CIITA: variants seen among roughly 807,000 people sequenced by gnomAD.
The protein encoded by CIITA is MHC class II transactivator.
CIITA carries 72 observed loss-of-function variants against 115.1 expected under a neutral mutation model. That is an observed-to-expected ratio of 0.63 (90% CI 0.52 to 0.76). The LOEUF is 0.76. Among genes scored for constraint, CIITA ranks in the 30% least tolerant of loss-of-function variants. The pLI is 0.00. For synonymous variants in CIITA, 763 were observed against 635.6 expected, an observed-to-expected ratio of 1.20 and a Z score of -3.02; for missense variants, 1,617 against 1,463.8, an observed-to-expected ratio of 1.10 and a Z score of -1.71.
Position 10,901,584 on chromosome 16 carries a change from T to G in CIITA, c.481+26T>G. The G allele has an allele frequency of 1.9e-6, 3 of 1,612,178 alleles. No individual in the cohort carries two copies. Among genetic ancestry groups the G allele is most frequent in the Non-Finnish European group, 2.5e-6 (3 of 1,178,976 alleles). On this transcript the variant is annotated intron_variant, in intron 6 of 19. Coordinates refer to ENST00000324288, the MANE Select transcript of CIITA (RefSeq NM_000246.4). The surrounding 1 kb of genome is among the most constrained non-coding windows in gnomAD (Gnocchi z 6.8). ...GTGTGCAGGGCAGGTGGGCTGGGGT[T>G]GGGAAGGGTGGATGCCTTGGGGAGG...
Position 10,923,698 on chromosome 16 carries a change from T to G in CIITA, c.*23-180T>G, listed in dbSNP as rs2040399743. Among the ~76,000 whole-genome samples the G allele has an allele frequency of 6.6e-6, 1 of 152,136 alleles. No homozygotes were observed. The highest frequency in any genetic ancestry group is 1.5e-5 in the Non-Finnish European group (1 of 68,018). Reference sequence around the variant, plus strand: ...AGATGAACTTGCTTGACAAGTCTCCTGCTCCTCACTATGAAGATCACTGTC... The same window carrying G: ...AGATGAACTTGCTTGACAAGTCTCCGGCTCCTCACTATGAAGATCACTGTC... On this transcript the variant is annotated intron_variant, in intron 19 of 19. Coordinates refer to ENST00000324288, the MANE Select transcript of CIITA (RefSeq NM_000246.4). The surrounding 1 kb of genome is among the most constrained non-coding windows in gnomAD (Gnocchi z 5.2).
Position 10,932,114 on chromosome 16 carries a change from C to T in CIITA, c.*8259C>T, listed in dbSNP as rs1346429098. 1 of 152,166 alleles carries T rather than the reference C, an allele frequency of 6.6e-6. No homozygotes were observed. The highest frequency in any genetic ancestry group is 2.4e-5 in the African/African-American group (1 of 41,412). 9.4% of individuals were successfully genotyped at this position (152,166 alleles called of 1,614,324 possible). On this transcript the variant is annotated 3_prime_UTR_variant, in exon 20 of 20. Transcript: ENST00000324288. Reference sequence around the variant, plus strand: ...CTCTGCCTGAAGTCACACAGTGAGTCGAGGACAGGGAGGTGACCCCAGGTT... The same window carrying T: ...CTCTGCCTGAAGTCACACAGTGAGTTGAGGACAGGGAGGTGACCCCAGGTT...
intron 13 of CIITA, among the ~76,000 whole-genome samples, chr16:10,911,606 G>C (rs889445640): frequency 1.3e-5 from 2 of 150,470 alleles, no homozygotes; most frequent in Non-Finnish European, 3.0e-5. Flanking sequence ...TCAGGCTGGA[G>C]TTCAGTGGCA....
chr16:10,873,184 G>A (rs74751064), upstream of CIITA, among the ~76,000 whole-genome samples: 517 of 152,162 alleles, frequency 3.4e-3, 6 homozygotes, highest in African/African-American at 0.012. Context: ...TGTTTCCCAC[G>A]GCTGGTCTCA....
At chr16:10,892,907 G>C (rs2037740762) in intron 1 of CIITA, among the ~76,000 whole-genome samples, 1 of 152,170 alleles carries the variant, frequency 6.6e-6, no homozygotes, top group Admixed American at 6.5e-5. Flanking sequence ...ATTCCAGCCT[G>C]GGCAACAGAG....
upstream of CIITA, chr16:10,877,179 G>A (rs761596052): frequency 5.6e-6 from 4 of 714,438 alleles, no homozygotes; most frequent in South Asian, 3.0e-5. Flanking sequence ...TTAGCTTGGC[G>A]GGCTCCCAAC....
rs1214684650 is a variant in CIITA, at chr16:10,902,712, A to G, written c.683A>G (p.Gln228Arg). ...CTGAATCTCCCTGAGGGACCCATCC[A>G]GTTTGTCCCCACCATCTCCACTCTG... is the stretch of plus-strand genomic sequence containing the variant. ...SCLNLPEGPI[Q>R]FVPTISTLPH... is the part of the protein sequence containing the mutation. The change falls in exon 8 of 20, where the codon CAG becomes CGG. Residue 228 changes from glutamine to arginine, a missense_variant. Gln to Arg is a conservative substitution (Grantham distance 43). Coordinates refer to ENST00000324288, the MANE Select transcript of CIITA (RefSeq NM_000246.4). 1.2e-6 allele frequency: 2 copies of G among 1,614,144 alleles called. No homozygotes were observed. The highest frequency in any genetic ancestry group is 1.7e-6 in the Non-Finnish European group (2 of 1,180,012).
chr16:10,879,788 T>A lies in CIITA; in HGVS notation c.52+2406T>A, dbSNP rs2036234805. ...GCCGGGGTGGGAGTGGGAGATTGGA[T>A]CTCCCTGGGGTCCAGGAAAGCCGGA... is the stretch of plus-strand genomic sequence containing the variant. On this transcript the variant is annotated intron_variant, in intron 1 of 19. Transcript: ENST00000324288. The surrounding 1 kb of genome is among the most constrained non-coding windows in gnomAD (Gnocchi z 4.3). 6.6e-6 allele frequency among the ~76,000 whole-genome samples: 1 copy of A among 152,020 alleles called. No individual in the cohort carries two copies. Among genetic ancestry groups the A allele is most frequent in the Admixed American group, 6.6e-5 (1 of 15,266 alleles).
At chr16:10,867,461 A>C in intron 1 of CIITA, among the ~76,000 whole-genome samples, 1 of 151,882 alleles carries the variant, frequency 6.6e-6, no homozygotes, top group East Asian at 1.9e-4. Context: ...AGAAAGAGAC[A>C]GAGAGACAGG....
intron 15 of CIITA, among the ~76,000 whole-genome samples, chr16:10,917,609 A>T (rs2040027260): frequency 2.0e-5 from 3 of 151,404 alleles, no homozygotes; most frequent in African/African-American, 4.9e-5. Flanking sequence ...CCTCCCAAGT[A>T]GCTGGAATTA....
chr16:10,918,752 A>G (rs1044044694), intron 16 of CIITA, among the ~76,000 whole-genome samples: 2 of 152,234 alleles, frequency 1.3e-5, no homozygotes, highest in African/African-American at 4.8e-5. Context: ...CTAATGGTCT[A>G]TGTAAGCACT....
upstream of CIITA, among the ~76,000 whole-genome samples, chr16:10,873,913 C>T (rs1478451421): frequency 2.6e-5 from 4 of 152,084 alleles, no homozygotes; most frequent in Admixed American, 2.0e-4. Context: ...GACCTGGGCT[C>T]GGGGAATCCT....
intron 13 of CIITA, among the ~76,000 whole-genome samples, chr16:10,914,224 T>C (rs1054275276): frequency 1.3e-5 from 2 of 151,992 alleles, no homozygotes; most frequent in African/African-American, 4.8e-5. Context: ...AGAACCCCCA[T>C]AAGATTGGGG....
chr16:10,866,568 T>C (rs755069806), intron 1 of CIITA: 9 of 537,598 alleles, frequency 1.7e-5, no homozygotes, highest in Non-Finnish European at 3.3e-5. Context: ...ACAGTGACCA[T>C]GGTGGTAAGT....
rs2145262396 is a variant in CIITA, at chr16:10,928,192, A to G, written c.*4337A>G. 1 of 152,284 alleles carries G rather than the reference A, an allele frequency of 6.6e-6. No individual in the cohort carries two copies. The highest frequency in any genetic ancestry group is 1.9e-4 in the East Asian group (1 of 5,186). The allele number at this position is 152,284 out of a possible 1,614,324, so 9.4% of individuals were successfully genotyped here. ...CCTGTAGAAAGGGGTCAATCGTTTG[A>G]ACCCTGCTTCACTTGGTGTGTATGT... On this transcript the variant is annotated 3_prime_UTR_variant, in exon 20 of 20. Coordinates refer to ENST00000324288, the MANE Select transcript of CIITA (RefSeq NM_000246.4).
At chr16:10,915,541 A>T in intron 13 of CIITA, 29 bp from the exon 14 acceptor site, 1 of 1,573,644 alleles carries the variant, frequency 6.4e-7, no homozygotes, top group East Asian at 2.2e-5. Context: ...CTGTGACTGG[A>T]GGTCTTACCC....
chr16:10,909,005 G>C, intron 11 of CIITA, 24 bp from the exon 12 acceptor site: 1 of 1,613,996 alleles, frequency 6.2e-7, no homozygotes, highest in South Asian at 1.1e-5. Context: ...CACCGTGCCT[G>C]GGTCTGAGGC....
intron 5 of CIITA, among the ~76,000 whole-genome samples, chr16:10,900,689 A>G (rs772938294): frequency 3.0e-4 from 46 of 152,074 alleles, no homozygotes; most frequent in Non-Finnish European, 6.0e-4. Flanking sequence ...GCAGTGAGCC[A>G]AGATTGCGCC....
chr16:10,904,597 T>C (rs917555925), intron 9 of CIITA, 147 bp from the exon 10 acceptor site: 76 of 772,940 alleles, frequency 9.8e-5, no homozygotes, highest in Admixed American at 3.3e-4. Flanking sequence ...CATATTTGAG[T>C]TAGATACAGC....
Sources: allele counts gnomAD v4.1 joint callset (sites outside exome capture counted in the v4.1 genomes callset), GRCh38; gene constraint gnomAD v4.1.1; non-coding constraint Gnocchi (gnomAD v3.1); transcripts MANE v1.5; gene names NCBI Gene and HGNC (gene_info 2026-07-23, HGNC 2026-07-21).